The following RBFOX3 variants were observed in gnomAD, a reference collection of about 807,000 sequenced individuals.
RBFOX3 encodes RNA binding protein fox-1 homolog 3.
In RBFOX3, 17 loss-of-function variants were observed where a neutral mutation model predicts 48.7. The ratio of observed to expected loss-of-function variants is 0.35; its 90% CI spans 0.24 to 0.52. RBFOX3 has a LOEUF of 0.52. Among genes scored for constraint, RBFOX3 ranks in the 20% least tolerant of loss-of-function variants. The probability of loss-of-function intolerance (pLI) is 0.94; values close to 1 mark genes in which losing one functional copy is unlikely to be tolerated. For synonymous variants in RBFOX3, 212 were observed against 209.5 expected (o/e 1.01, Z -0.10); for missense variants, 382 against 497.5 (o/e 0.77, Z 2.21).
At chr17:79,412,234 TG>T (rs1248199157) in intron 2 of RBFOX3, among the ~76,000 whole-genome samples, 5 of 150,654 alleles carry the variant, frequency 3.3e-5, no homozygotes, top group Non-Finnish European at 7.4e-5. Flanking sequence ...GCATGTGTTG[TG>T]TGTGATATGT....
chr17:79,106,926 CCT>C, intron 5 of RBFOX3, 138 bp from the exon 6 acceptor site: 1 of 1,184,864 alleles, frequency 8.4e-7, no homozygotes, highest in Non-Finnish European at 1.1e-6. Context: ...GGGCTGGGAT[CCT>C]TGGCAGAATC....
At position 79,299,638 on chromosome 17, in the gene RBFOX3, G is replaced by A. The variant is rs969551849; in HGVS notation, c.-74+8086C>T. Among the ~76,000 whole-genome samples, 8 of 152,152 alleles carry A rather than the reference G, an allele frequency of 5.3e-5. No homozygotes were observed. The highest frequency in any genetic ancestry group is 2.6e-4 in the Admixed American group (4 of 15,282). Reference sequence around the variant, plus strand: ...GGGGTTTTTGGAACTAACCCCCTGAGGATACCAACGGACAACTGTGTTTAG... The same window carrying A: ...GGGGTTTTTGGAACTAACCCCCTGAAGATACCAACGGACAACTGTGTTTAG... On this transcript the variant is annotated intron_variant, in intron 3 of 14. Coordinates refer to ENST00000693108, the MANE Select transcript of RBFOX3 (RefSeq NM_001350451.2). The surrounding 1 kb of genome is among the most constrained non-coding windows in gnomAD (Gnocchi z 4.5).
chr17:79,171,990 A>T (rs566361740), intron 4 of RBFOX3, among the ~76,000 whole-genome samples: 1 of 152,120 alleles, frequency 6.6e-6, no homozygotes, highest in East Asian at 1.9e-4. Context: ...CCTGGCCAAC[A>T]TGGTGAAATC....
At chr17:79,275,457 C>T (rs2068608392) in intron 3 of RBFOX3, among the ~76,000 whole-genome samples, 1 of 152,202 alleles carries the variant, frequency 6.6e-6, no homozygotes, top group South Asian at 2.1e-4. Flanking sequence ...AATGGTCCCC[C>T]CCCAACCTCC....
intron 13 of RBFOX3, 22 bp from the exon 14 acceptor site, chr17:79,094,551 GGAGTGGGAGGA>G: frequency 3.0e-6 from 3 of 1,012,796 alleles, no homozygotes; most frequent in South Asian, 1.8e-5. Context: ...CGTGGGAGGG[GGAGTGGGAGGA>G]GGGTGGGGGA....
intron 12 of RBFOX3, 120 bp from the exon 13 acceptor site, chr17:79,095,694 T>TTCCCAGCC (rs376473343): frequency 1.1e-5 from 9 of 818,798 alleles, no homozygotes; most frequent in East Asian, 2.8e-5. Flanking sequence ...ACTACAGACC[T>TTCCCAGCC]TCCCAGCCTC....
chr17:79,427,722 G>C (rs929230788), intron 2 of RBFOX3, among the ~76,000 whole-genome samples: 1 of 152,346 alleles, frequency 6.6e-6, no homozygotes, highest in South Asian at 2.1e-4. Context: ...GAAGGCAGAG[G>C]CTCCTCATAG....
chr17:79,133,048 CCT>C, intron 4 of RBFOX3, among the ~76,000 whole-genome samples: 1 of 152,188 alleles, frequency 6.6e-6, no homozygotes, highest in Non-Finnish European at 1.5e-5. Context: ...GCTGGGTGGG[CCT>C]CAAACCCCAG....
Position 79,537,258 on chromosome 17 carries a change from G to A in RBFOX3, c.-319-54660C>T, listed in dbSNP as rs193147738. 1.8e-4 allele frequency among the ~76,000 whole-genome samples: 28 copies of A among 152,246 alleles called. No homozygotes were observed. The East Asian group carries it at 2.3e-3, about 13-fold the overall frequency. ...CCTTCCGGCTTCTGGCATTGCCGGC[G>A]GTGCTCAGTGCACTTGACTTGTTGC... On this transcript the variant is annotated intron_variant, in intron 1 of 14. Coordinates refer to ENST00000693108, the MANE Select transcript of RBFOX3 (RefSeq NM_001350451.2).
intron 4 of RBFOX3, among the ~76,000 whole-genome samples, chr17:79,156,723 C>T (rs906611604): frequency 1.3e-5 from 2 of 152,216 alleles, no homozygotes; most frequent in African/African-American, 2.4e-5. Flanking sequence ...CTGTGTGGCC[C>T]GGAGAGACTA....
At chr17:79,100,671 G>A (rs1460658981) in intron 9 of RBFOX3, among the ~76,000 whole-genome samples, 1 of 152,218 alleles carries the variant, frequency 6.6e-6, no homozygotes, top group Non-Finnish European at 1.5e-5. Flanking sequence ...TAGGGGCAGC[G>A]CTGAGGCTTC....
At chr17:79,398,432 C>T (rs149696727) in intron 2 of RBFOX3, among the ~76,000 whole-genome samples, 8 of 152,180 alleles carry the variant, frequency 5.3e-5, no homozygotes, top group Middle Eastern at 3.4e-3. Context: ...CACAGCCTGA[C>T]GATATCTGTC....
chr17:79,622,963 C>T, the RBFOX3 span, among the ~76,000 whole-genome samples: 43,273 of 152,000 alleles, frequency 0.28, 6,747 homozygotes, highest in East Asian at 0.39. Flanking sequence ...ATCTCTACCA[C>T]GCCCTGTCCT....
Position 79,308,890 on chromosome 17 carries a change from G to C in RBFOX3, c.-174-1066C>G, listed in dbSNP as rs191636366. ...TCCCAGCACTTTGGGAAGCCGAGGC[G>C]GGGGGATCACTTGAGGCCAAGAGTT... On this transcript the variant is annotated intron_variant, in intron 2 of 14. Transcript: ENST00000693108. 6.6e-4 allele frequency among the ~76,000 whole-genome samples: 101 copies of C among 152,112 alleles called. 1 individual carries two copies. In the East Asian group the frequency reaches 0.017, roughly 25 times the overall value.
chr17:79,372,563 C>T lies in RBFOX3; in HGVS notation c.-174-64739G>A, dbSNP rs528930299. Among the ~76,000 whole-genome samples, 31 of 152,072 alleles carry T rather than the reference C, an allele frequency of 2.0e-4. 1 individual carries two copies. Among genetic ancestry groups the T allele is most frequent in the African/African-American group, 7.0e-4 (29 of 41,488 alleles). On this transcript the variant is annotated intron_variant, in intron 2 of 14. Transcript: ENST00000693108. ...CTGCGGGTCTTTCTCCATTCTAAATCCCCCCCAGATCCCTGCCAGGATGAA... is the reference window on the plus strand; with the variant it reads ...CTGCGGGTCTTTCTCCATTCTAAATTCCCCCCAGATCCCTGCCAGGATGAA...
At chr17:79,169,041 T>C (rs1031120155) in intron 4 of RBFOX3, among the ~76,000 whole-genome samples, 2 of 152,008 alleles carry the variant, frequency 1.3e-5, no homozygotes, top group African/African-American at 2.4e-5. Flanking sequence ...TGCCGCTGAG[T>C]GGAGGACCTT....
the RBFOX3 span, among the ~76,000 whole-genome samples, chr17:79,644,851 T>C: frequency 6.6e-6 from 1 of 152,180 alleles, no homozygotes; most frequent in Non-Finnish European, 1.5e-5. Flanking sequence ...AGAAATTCAA[T>C]GCAACTGTAA....
intron 2 of RBFOX3, among the ~76,000 whole-genome samples, chr17:79,318,996 A>G (rs1225559963): frequency 6.6e-6 from 1 of 152,022 alleles, no homozygotes; most frequent in African/African-American, 2.4e-5. Context: ...CACGTTGTGC[A>G]TATGTACCCA....
At chr17:79,538,999 A>C (rs2150150941) in intron 1 of RBFOX3, among the ~76,000 whole-genome samples, 1 of 152,272 alleles carries the variant, frequency 6.6e-6, no homozygotes, top group South Asian at 2.1e-4. Context: ...CACCTTCCTC[A>C]AGTTGGGGAA....
Sources: gnomAD v4.1 joint callset for allele counts (sites outside exome capture counted in the v4.1 genomes callset) on GRCh38, gnomAD v4.1.1 for gene constraint, Gnocchi (gnomAD v3.1) non-coding constraint, MANE v1.5 for transcripts, NCBI Gene and HGNC (gene_info 2026-07-23, HGNC 2026-07-21) for gene names.